The following GRM4 variants were observed in gnomAD, a reference collection of about 807,000 sequenced individuals.
GRM4 encodes glutamate metabotropic receptor 4.
Under a neutral mutation model 81.7 loss-of-function variants are expected in GRM4, and 28 were observed. The observed-to-expected ratio is 0.34, with a 90% confidence interval of 0.25 to 0.47. GRM4 has a LOEUF of 0.47. GRM4 is among the 20% of genes least tolerant of loss of function. GRM4 has a pLI of 1.00. For synonymous variants in GRM4, 488 were observed against 528.8 expected, an observed-to-expected ratio of 0.92 and a Z score of 1.06; for missense variants, 948 against 1,290.0, an observed-to-expected ratio of 0.73 and a Z score of 4.06.
intron 10 of GRM4, among the ~76,000 whole-genome samples, chr6:34,025,376 G>T (rs1047435771): frequency 2.0e-5 from 3 of 152,092 alleles, no homozygotes; most frequent in African/African-American, 7.2e-5. Flanking sequence ...AGCAGCTCCT[G>T]GCTCAGAGGT....
At chr6:34,025,411 C>T (rs1400859441) in intron 10 of GRM4, among the ~76,000 whole-genome samples, 4 of 152,264 alleles carry the variant, frequency 2.6e-5, no homozygotes, top group Admixed American at 1.3e-4. Flanking sequence ...GCAGCCACAA[C>T]AAAATCTCCA....
At position 34,111,385 on chromosome 6, in the gene GRM4, C is replaced by T. The variant is rs1281613542; in HGVS notation, c.520-19286G>A. ...CCTCTTGGTGGTAAGTACAACCAAC[C>T]GTGCACACACACACACACACACACA... On this transcript the variant is annotated intron_variant, in intron 2 of 10. Coordinates refer to ENST00000538487, the MANE Select transcript of GRM4 (RefSeq NM_000841.4). The surrounding 1 kb of genome is among the most constrained non-coding windows in gnomAD (Gnocchi z 5.1). Among the ~76,000 whole-genome samples, 1 of 149,228 alleles carries T rather than the reference C, an allele frequency of 6.7e-6. No homozygotes were observed. Among genetic ancestry groups the T allele is most frequent in the Non-Finnish European group, 1.5e-5 (1 of 67,554 alleles).
rs1337331068 is a variant in GRM4 at position 34,080,068 on chromosome 6, CT to C, written c.736+11814del. On this transcript the variant is annotated intron_variant, in intron 3 of 10. Coordinates refer to ENST00000538487, the MANE Select transcript of GRM4 (RefSeq NM_000841.4). This position sits in a 1 kb window ranked among gnomAD's most constrained non-coding sequence, Gnocchi z 5.4. ...TCTCCCTGCCTCACTCATTCTGCCC[CT>C]GCCTCCTGGTTATTCTCCAAATGCC... 6.6e-6 allele frequency among the ~76,000 whole-genome samples: 1 copy of C among 152,230 alleles called. No individual in the cohort carries two copies. The highest frequency in any genetic ancestry group is 1.5e-5 in the Non-Finnish European group (1 of 68,038).
At chr6:34,138,982 G>A (rs1770573048) in intron 1 of GRM4, among the ~76,000 whole-genome samples, 1 of 152,228 alleles carries the variant, frequency 6.6e-6, no homozygotes, top group Admixed American at 6.5e-5. Flanking sequence ...TCAGCTATAA[G>A]GAGGCATCTT....
intron 10 of GRM4, among the ~76,000 whole-genome samples, chr6:34,026,105 T>C (rs1256782989): frequency 6.6e-6 from 1 of 152,168 alleles, no homozygotes; most frequent in Non-Finnish European, 1.5e-5. Context: ...TCCCCGTTTG[T>C]CACCCCTTGT....
chr6:34,155,222 A>G (rs1202615562), exon 1 of GRM4: 11 of 1,535,516 alleles, frequency 7.2e-6, no homozygotes, highest in Non-Finnish European at 9.6e-6. Flanking sequence ...GTGCGCACCC[A>G]CACACACCGG....
At chr6:34,026,567 G>T (rs1174581476) in intron 10 of GRM4, among the ~76,000 whole-genome samples, 1 of 151,910 alleles carries the variant, frequency 6.6e-6, no homozygotes, top group Non-Finnish European at 1.5e-5. Context: ...GGCCCCTCTG[G>T]GCAGGAAGCA....
rs138672597 is a variant in GRM4 at position 34,035,101 on chromosome 6, G to A, written c.2442+567C>T. Among the ~76,000 whole-genome samples the A allele has an allele frequency of 1.8e-3, 269 of 152,244 alleles. No individual in the cohort carries two copies. The highest frequency in any genetic ancestry group is 6.1e-3 in the African/African-American group (253 of 41,524). On this transcript the variant is annotated intron_variant, in intron 9 of 10. Coordinates refer to ENST00000538487, the MANE Select transcript of GRM4 (RefSeq NM_000841.4). This position sits in a 1 kb window ranked among gnomAD's most constrained non-coding sequence, Gnocchi z 6.6. ...GGGGATCTTGTGAGGGGTAGATGGA[G>A]GAGGGAGAAGAGAGGAGTGAACCAA...
intron 3 of GRM4, chr6:34,091,650 C>T (rs990499247): frequency 3.5e-6 from 2 of 577,634 alleles, no homozygotes; most frequent in African/African-American, 3.7e-5. Context: ...GTCCCCTCAT[C>T]TGCACACCCA....
chr6:34,151,545 G>C (rs903272986), intron 1 of GRM4, among the ~76,000 whole-genome samples: 1 of 152,148 alleles, frequency 6.6e-6, no homozygotes, highest in African/African-American at 2.4e-5. Context: ...CTGCTCCTTC[G>C]GCAGAGTGGC....
At chr6:34,108,566 C>G (rs996926311) in intron 2 of GRM4, among the ~76,000 whole-genome samples, 1 of 152,204 alleles carries the variant, frequency 6.6e-6, no homozygotes. Flanking sequence ...CTGGCTCTGT[C>G]GTGGCTGCCT....
Position 34,080,261 on chromosome 6 carries a change from A to G in GRM4, c.736+11622T>C, listed in dbSNP as rs1333650598. On this transcript the variant is annotated intron_variant, in intron 3 of 10. Coordinates refer to ENST00000538487, the MANE Select transcript of GRM4 (RefSeq NM_000841.4). The surrounding 1 kb of genome is among the most constrained non-coding windows in gnomAD (Gnocchi z 5.4). ...CCGAAAGGCCGTCAACCTTGCAGGG[A>G]AGAGTCTCCCTTACTTGCCCCTCTC... Among the ~76,000 whole-genome samples, 1 of 152,202 alleles carries G rather than the reference A, an allele frequency of 6.6e-6. No individual in the cohort carries two copies. Among genetic ancestry groups the G allele is most frequent in the Non-Finnish European group, 1.5e-5 (1 of 68,032 alleles).
intron 1 of GRM4, among the ~76,000 whole-genome samples, chr6:34,151,733 T>TTTTTAATGA (rs1771051274): frequency 2.2e-5 from 1 of 46,296 alleles, no homozygotes; most frequent in African/African-American, 8.4e-5. Context: ...CCCATCTTCC[T>TTTTTAATGA]CAGACCCTCC....
Position 34,036,561 on chromosome 6 carries a change from G to A in GRM4, c.1549C>T (p.Arg517Cys), listed in dbSNP as rs527244834. The change falls in exon 9 of 11, where the codon CGC becomes TGC. Residue 517 changes from arginine to cysteine, a missense_variant. By Grantham distance (180) the Arg-to-Cys change is radical. Coordinates refer to ENST00000538487, the MANE Select transcript of GRM4 (RefSeq NM_000841.4). This position sits in a 1 kb window ranked among gnomAD's most constrained non-coding sequence, Gnocchi z 9.0. ...HWPGSGQQLP[R>C]SICSLPCQPG... ...TGGCAGGGCAGGCTGCAGATGGAGCGGGGCAGCTGCTGCCCGCTCCCCGGC... is the reference window on the plus strand; with the variant it reads ...TGGCAGGGCAGGCTGCAGATGGAGCAGGGCAGCTGCTGCCCGCTCCCCGGC... 28 of 1,601,516 alleles carry A rather than the reference G, an allele frequency of 1.7e-5. No individual in the cohort carries two copies. Among genetic ancestry groups the A allele is most frequent in the Admixed American group, 8.4e-5 (5 of 59,640 alleles).
At position 34,034,163 on chromosome 6, in the gene GRM4, C is replaced by T. The variant is rs768316259; in HGVS notation, c.2442+1505G>A. ...CACTGACTTGGCAGCTGCATTTGGA[C>T]GTCTAATGAGCATCCCAAACTTAGC... On this transcript the variant is annotated intron_variant, in intron 9 of 10. Coordinates refer to ENST00000538487, the MANE Select transcript of GRM4 (RefSeq NM_000841.4). This position sits in a 1 kb window ranked among gnomAD's most constrained non-coding sequence, Gnocchi z 4.0. Among the ~76,000 whole-genome samples, 8 of 152,308 alleles carry T rather than the reference C, an allele frequency of 5.3e-5. No homozygotes were observed. Among genetic ancestry groups the T allele is most frequent in the South Asian group, 4.1e-4 (2 of 4,826 alleles).
At position 34,092,716 on chromosome 6, in the gene GRM4, CAG is replaced by C. The variant is rs1581686124; in HGVS notation, c.520-619_520-618del. ...TCTCTGGAGCTGGGGACACTGAGCC[CAG>C]AGAGTCACCACCCTGCCGGGTCCCA... On this transcript the variant is annotated intron_variant, in intron 2 of 10. Coordinates refer to ENST00000538487, the MANE Select transcript of GRM4 (RefSeq NM_000841.4). The surrounding 1 kb of genome is among the most constrained non-coding windows in gnomAD (Gnocchi z 6.8). Among the ~76,000 whole-genome samples the C allele has an allele frequency of 6.6e-6, 1 of 152,208 alleles. No homozygotes were observed. Among genetic ancestry groups the C allele is most frequent in the East Asian group, 1.9e-4 (1 of 5,160 alleles).
chr6:34,102,443 C>T (rs1226962665), intron 2 of GRM4, among the ~76,000 whole-genome samples: 9 of 152,176 alleles, frequency 5.9e-5, no homozygotes, highest in Admixed American at 5.9e-4. Flanking sequence ...AGGGCCTTTG[C>T]ACTGGCTGTT....
rs1257699738 is a variant in GRM4 at position 34,090,332 on chromosome 6, G to A, written c.736+1551C>T. ...AGAAAAGGTAGGAGGTTGGTTTGGG[G>A]AAGAGTTGAAGCCACAGAGGAGGAA... On this transcript the variant is annotated intron_variant, in intron 3 of 10. Transcript: ENST00000538487. The surrounding 1 kb of genome is among the most constrained non-coding windows in gnomAD (Gnocchi z 5.2). Among the ~76,000 whole-genome samples, 2 of 152,182 alleles carry A rather than the reference G, an allele frequency of 1.3e-5. No homozygotes were observed. Among genetic ancestry groups the A allele is most frequent in the East Asian group, 1.9e-4 (1 of 5,198 alleles).
intron 1 of GRM4, among the ~76,000 whole-genome samples, chr6:34,154,590 T>TACACACACACACACACACAC (rs57603011): frequency 1.4e-4 from 20 of 144,998 alleles, no homozygotes; most frequent in African/African-American, 3.9e-4. Context: ...TGGTCCTGAC[T>TACACACACACACACACACAC]ACACACACAC....
Sources: gnomAD v4.1 joint callset for allele counts (sites outside exome capture counted in the v4.1 genomes callset) on GRCh38, gnomAD v4.1.1 for gene constraint, Gnocchi (gnomAD v3.1) non-coding constraint, MANE v1.5 for transcripts, NCBI Gene and HGNC (gene_info 2026-07-23, HGNC 2026-07-21) for gene names.